The following C12orf42 variants were observed in gnomAD, a reference collection of about 807,000 sequenced individuals.
The protein encoded by C12orf42 is chromosome 12 open reading frame 42.
In C12orf42, 25 loss-of-function variants were observed where a neutral mutation model predicts 21.6. The ratio of observed to expected loss-of-function variants is 1.16; its 90% confidence interval spans 0.84 to 1.62. The LOEUF is 1.62. C12orf42 is among the 40% of genes most tolerant of loss of function. The pLI is 0.00. For missense variants in C12orf42, 483 were observed against 459.3 expected (o/e 1.05, Z -0.47); for synonymous variants, 174 against 175.0 (o/e 0.99, Z 0.05).
At position 103,350,092 on chromosome 12, in the gene C12orf42, C is replaced by A. The variant is rs142980519; in HGVS notation, c.259+18795G>T. ...CAAATTTAGGAAGATAAGATAATGA[C>A]CAAATTTAGGAAGTTTCCAGCCATT... On this transcript the variant is annotated intron_variant, in intron 4 of 5. Transcript: ENST00000548883. Among the ~76,000 whole-genome samples, 1,063 of 152,116 alleles carry A rather than the reference C, an allele frequency of 7.0e-3. 21 individuals are homozygous for A. The highest frequency in any genetic ancestry group is 0.025 in the African/African-American group (1,025 of 41,498).
chr12:103,208,465 C>T, the C12orf42 span, among the ~76,000 whole-genome samples: 1 of 152,036 alleles, frequency 6.6e-6, no homozygotes, highest in Non-Finnish European at 1.5e-5. Context: ...AGTTTTGAGC[C>T]CCACAAAAAC....
At chr12:103,339,446 T>C (rs1331318573) in intron 4 of C12orf42, among the ~76,000 whole-genome samples, 1 of 152,208 alleles carries the variant, frequency 6.6e-6, no homozygotes, top group African/African-American at 2.4e-5. Flanking sequence ...TTGTGAGACC[T>C]TGTGATATTT....
the C12orf42 span, among the ~76,000 whole-genome samples, chr12:103,140,145 T>C: frequency 6.6e-6 from 1 of 152,210 alleles, no homozygotes; most frequent in Non-Finnish European, 1.5e-5. Context: ...CTTGGCAAGA[T>C]CGGGGTGTCA....
intron 4 of C12orf42, among the ~76,000 whole-genome samples, chr12:103,294,612 G>T (rs575535301): frequency 5.3e-4 from 72 of 135,622 alleles, no homozygotes; most frequent in Non-Finnish European, 9.2e-4. Context: ...AAGAAAGAAA[G>T]AAAGAAAGAA....
chr12:103,367,002 C>T (rs1593639238), intron 4 of C12orf42, among the ~76,000 whole-genome samples: 1 of 152,006 alleles, frequency 6.6e-6, no homozygotes, highest in East Asian at 1.9e-4. Context: ...CTTGGACATG[C>T]TTGTTTATAT....
At chr12:103,200,285 G>C in the C12orf42 span, among the ~76,000 whole-genome samples, 5 of 152,142 alleles carry the variant, frequency 3.3e-5, no homozygotes, top group African/African-American at 1.2e-4. Context: ...TTAGTCAAAC[G>C]CTTAGAAGTA....
chr12:103,395,937 GTATA>G (rs2047492451), intron 3 of C12orf42, among the ~76,000 whole-genome samples: 1 of 147,814 alleles, frequency 6.8e-6, no homozygotes. Flanking sequence ...AATATATTAT[GTATA>G]TATACATTAT....
chr12:103,402,565 T>G (rs1392532331), intron 2 of C12orf42, among the ~76,000 whole-genome samples: 1 of 152,140 alleles, frequency 6.6e-6, no homozygotes. Context: ...AGAAAAACAA[T>G]GGTGAGTTGC....
At chr12:103,461,767 A>G (rs1397109605) in intron 2 of C12orf42, among the ~76,000 whole-genome samples, 1 of 152,182 alleles carries the variant, frequency 6.6e-6, no homozygotes, top group African/African-American at 2.4e-5. Flanking sequence ...AGTATCCGAT[A>G]CATTGCACTT....
the C12orf42 span, among the ~76,000 whole-genome samples, chr12:103,175,870 G>A: frequency 1.3e-5 from 2 of 152,014 alleles, no homozygotes; most frequent in East Asian, 1.9e-4. Flanking sequence ...TGAGATGAAA[G>A]GGAGGACAAA....
chr12:103,299,209 T>G (rs1368041417), downstream of C12orf42, among the ~76,000 whole-genome samples: 2 of 152,092 alleles, frequency 1.3e-5, no homozygotes, highest in Admixed American at 6.6e-5. Flanking sequence ...GTATCATTAT[T>G]ATCATTAAAG....
At chr12:103,372,560 TG>T (rs768601078) in intron 3 of C12orf42, among the ~76,000 whole-genome samples, 2 of 152,108 alleles carry the variant, frequency 1.3e-5, no homozygotes, top group African/African-American at 2.4e-5. Flanking sequence ...CCCTAAAACC[TG>T]CTGGATCAGG....
chr12:103,342,542 G>C (rs1176920669), intron 4 of C12orf42, among the ~76,000 whole-genome samples: 1 of 152,102 alleles, frequency 6.6e-6, no homozygotes, highest in Admixed American at 6.5e-5. Flanking sequence ...GACTATGGAA[G>C]AAGTTTAAGC....
downstream of C12orf42, among the ~76,000 whole-genome samples, chr12:103,298,679 A>G (rs79347280): frequency 5.8e-3 from 885 of 152,288 alleles, 11 homozygotes; most frequent in African/African-American, 0.02. Context: ...TCACCTTTAT[A>G]GGAATGCACC....
intron 4 of C12orf42, 149 bp downstream of exon 4, chr12:103,368,738 A>G: frequency 1.9e-6 from 1 of 516,864 alleles, no homozygotes; most frequent in East Asian, 3.1e-5. Context: ...GGATTTACTA[A>G]CTTCATGAGC....
chr12:103,143,916 G>T, the C12orf42 span, among the ~76,000 whole-genome samples: 5 of 152,166 alleles, frequency 3.3e-5, no homozygotes, highest in Admixed American at 3.3e-4. Flanking sequence ...GCAAAATGGG[G>T]ATAATAATAC....
chr12:103,415,477 A>G (rs1027359396), intron 2 of C12orf42, among the ~76,000 whole-genome samples: 2 of 152,198 alleles, frequency 1.3e-5, no homozygotes, highest in African/African-American at 4.8e-5. Flanking sequence ...CAGAATATAT[A>G]TTCTTCTCAT....
chr12:103,290,638 A>T (rs2036745525), intron 4 of C12orf42, among the ~76,000 whole-genome samples: 1 of 152,202 alleles, frequency 6.6e-6, no homozygotes, highest in Non-Finnish European at 1.5e-5. Context: ...ACTTACCCCA[A>T]GAGGATTAAT....
the C12orf42 span, among the ~76,000 whole-genome samples, chr12:103,522,151 C>T: frequency 6.6e-6 from 1 of 152,072 alleles, no homozygotes; most frequent in Admixed American, 6.5e-5. Context: ...GGGCTGTTTC[C>T]CCCATACTTT....
Sources: allele counts gnomAD v4.1 joint callset (sites outside exome capture counted in the v4.1 genomes callset), GRCh38; gene constraint gnomAD v4.1.1; transcripts MANE v1.5; gene names NCBI Gene and HGNC (gene_info 2026-07-23, HGNC 2026-07-21).